Variants in ZNF385D observed in about 807,000 individuals in gnomAD.
ZNF385D encodes the protein zinc finger protein 659.
Under a neutral mutation model 35.8 loss-of-function variants are expected in ZNF385D, and 15 were observed. The ratio of observed to expected loss-of-function variants is 0.42; its 90% confidence interval spans 0.28 to 0.64. The LOEUF is 0.64. ZNF385D is among the 30% of genes least tolerant of loss of function. ZNF385D has a pLI of 0.23. For synonymous variants in ZNF385D, 212 were observed against 186.8 expected (o/e 1.13, Z -1.10); for missense variants, 474 against 494.6 (o/e 0.96, Z 0.39).
At chr3:22,265,455 A>T (rs1700851247) in intron 2 of ZNF385D, among the ~76,000 whole-genome samples, 1 of 152,008 alleles carries the variant, frequency 6.6e-6, no homozygotes, top group Non-Finnish European at 1.5e-5. Context: ...TTTACAGAGC[A>T]GAAACATTTA....
intron 3 of ZNF385D, among the ~76,000 whole-genome samples, chr3:22,017,807 T>C (rs1696981188): frequency 6.6e-6 from 1 of 151,988 alleles, no homozygotes; most frequent in Non-Finnish European, 1.5e-5. Flanking sequence ...AATTATTTTA[T>C]ATTTTAAGCT....
At chr3:22,127,225 G>C (rs1576365369) in intron 3 of ZNF385D, among the ~76,000 whole-genome samples, 1 of 148,918 alleles carries the variant, frequency 6.7e-6, no homozygotes, top group East Asian at 2.0e-4. Context: ...TTTCTTTTCT[G>C]GTTGTTTTGT....
At chr3:22,162,177 G>A (rs188025226) in intron 3 of ZNF385D, among the ~76,000 whole-genome samples, 1 of 152,098 alleles carries the variant, frequency 6.6e-6, no homozygotes, top group Non-Finnish European at 1.5e-5. Context: ...TGTTGCATTT[G>A]CACAATAAAA....
chr3:22,153,492 GTCTC>G (rs1049016979), intron 3 of ZNF385D, among the ~76,000 whole-genome samples: 1 of 136,888 alleles, frequency 7.3e-6, no homozygotes. Context: ...TTGAGACAGA[GTCTC>G]TCTGTCACCC....
rs150307885 is a variant in ZNF385D, at chr3:22,226,387, G to C, written c.107-57352C>G. On this transcript the variant is annotated intron_variant, in intron 2 of 5. Transcript: ENST00000494108. Reference sequence around the variant, plus strand: ...GCCATTTCAGAAAGCTACCCAGCACGAGCAGAGAGAGCTCAGCAGAAAACA... The same window carrying C: ...GCCATTTCAGAAAGCTACCCAGCACCAGCAGAGAGAGCTCAGCAGAAAACA... 2.6e-5 allele frequency among the ~76,000 whole-genome samples: 4 copies of C among 152,116 alleles called. No individual in the cohort carries two copies. In the South Asian group the frequency reaches 8.3e-4, roughly 32 times the overall value.
chr3:21,617,202 C>T (rs1019389516), intron 2 of ZNF385D, among the ~76,000 whole-genome samples: 2 of 152,176 alleles, frequency 1.3e-5, no homozygotes, highest in Non-Finnish European at 2.9e-5. Context: ...TAAGCTTACA[C>T]TTAATAAAAT....
In ZNF385D at chr3:21,808,602, T is replaced by G. The variant is rs140313164; in HGVS notation, c.326-143574A>C. Among the ~76,000 whole-genome samples the G allele has an allele frequency of 6.5e-4, 99 of 152,346 alleles. 1 individual carries two copies. Among genetic ancestry groups the G allele is most frequent in the African/African-American group, 2.3e-3 (96 of 41,580 alleles). On this transcript the variant is annotated intron_variant, in intron 3 of 5. Coordinates refer to the ZNF385D transcript ENST00000494108. Reference sequence around the variant, plus strand: ...TGTGCCAGTGCTGTGGCCATAGAGCTACTGGGTGGACTGTTGTCAATTATT... The same window carrying G: ...TGTGCCAGTGCTGTGGCCATAGAGCGACTGGGTGGACTGTTGTCAATTATT...
chr3:21,775,786 G>A (rs1025716356), intron 3 of ZNF385D, among the ~76,000 whole-genome samples: 1 of 151,674 alleles, frequency 6.6e-6, no homozygotes, highest in Non-Finnish European at 1.5e-5. Flanking sequence ...TTTTTAGATT[G>A]TCTGAGCTAT....
intron 4 of ZNF385D, among the ~76,000 whole-genome samples, chr3:21,490,557 T>C (rs1336217343): frequency 1.3e-5 from 2 of 152,072 alleles, no homozygotes; most frequent in Non-Finnish European, 2.9e-5. Flanking sequence ...TAAAAGGAAA[T>C]ACAGCTTCAG....
intron 3 of ZNF385D, among the ~76,000 whole-genome samples, chr3:22,166,231 C>T (rs1232940005): frequency 1.6e-5 from 2 of 128,964 alleles, no homozygotes; most frequent in Non-Finnish European, 3.7e-5. Flanking sequence ...AATGTTCTTA[C>T]TAACATGACG....
chr3:21,862,074 A>C (rs1376901938), intron 3 of ZNF385D, among the ~76,000 whole-genome samples: 1 of 152,162 alleles, frequency 6.6e-6, no homozygotes, highest in Non-Finnish European at 1.5e-5. Context: ...AAATTATGGA[A>C]TATTTCAAAT....
chr3:21,610,142 A>G (rs1487213596), intron 2 of ZNF385D, among the ~76,000 whole-genome samples: 2 of 97,892 alleles, frequency 2.0e-5, no homozygotes, highest in African/African-American at 5.3e-5. Context: ...AGTCGCATCT[A>G]CCAAAAAAAA....
chr3:21,990,845 T>C (rs1444054901), intron 3 of ZNF385D, among the ~76,000 whole-genome samples: 1 of 152,198 alleles, frequency 6.6e-6, no homozygotes, highest in East Asian at 1.9e-4. Context: ...TGGATTTCCT[T>C]TGAAAACAGA....
chr3:22,035,148 G>A (rs1351896866), intron 3 of ZNF385D, among the ~76,000 whole-genome samples: 1 of 152,108 alleles, frequency 6.6e-6, no homozygotes, highest in Admixed American at 6.5e-5. Flanking sequence ...AAAATGTTCT[G>A]GATGAACTGT....
chr3:22,030,750 T>G (rs182682066), intron 3 of ZNF385D, among the ~76,000 whole-genome samples: 111 of 152,272 alleles, frequency 7.3e-4, no homozygotes, highest in African/African-American at 2.5e-3. Flanking sequence ...CAGTTATGCC[T>G]TCCCAACATT....
chr3:21,757,244 G>A (rs1356002783), intron 3 of ZNF385D, among the ~76,000 whole-genome samples: 3 of 149,268 alleles, frequency 2.0e-5, no homozygotes, highest in African/African-American at 7.4e-5. Context: ...CGATTCTCGT[G>A]CCTCAGCCTC....
At chr3:22,164,523 G>A (rs541371710) in intron 3 of ZNF385D, among the ~76,000 whole-genome samples, 16 of 151,514 alleles carry the variant, frequency 1.1e-4, no homozygotes, top group East Asian at 1.9e-4. Context: ...CACCATACCC[G>A]GCCAAAAGGA....
chr3:22,344,991 C>G (rs544893408), intron 2 of ZNF385D, among the ~76,000 whole-genome samples: 1 of 152,246 alleles, frequency 6.6e-6, no homozygotes, highest in South Asian at 2.1e-4. Context: ...CTATATGATT[C>G]AGTCATGGGT....
At chr3:22,209,492 T>G (rs1365513439) in intron 2 of ZNF385D, among the ~76,000 whole-genome samples, 1 of 151,876 alleles carries the variant, frequency 6.6e-6, no homozygotes, top group Non-Finnish European at 1.5e-5. Flanking sequence ...GTGTTATTTA[T>G]ATTAGTGTAT....
Sources: gnomAD v4.1 joint callset for allele counts (sites outside exome capture counted in the v4.1 genomes callset) on GRCh38, gnomAD v4.1.1 for gene constraint, MANE v1.5 for transcripts, NCBI Gene and HGNC (gene_info 2026-07-23, HGNC 2026-07-21) for gene names.